CNTNAP5: variants seen among roughly 807,000 people sequenced by gnomAD.
CNTNAP5 encodes contactin-associated protein-like 5.
Under a neutral mutation model 150.2 loss-of-function variants are expected in CNTNAP5, and 72 were observed. That is an observed-to-expected ratio of 0.48 (90% confidence interval 0.40 to 0.58). CNTNAP5 has a LOEUF of 0.58. Ranked by LOEUF, CNTNAP5 falls within the 20% of genes least tolerant of loss-of-function variation. CNTNAP5 has a pLI of 0.00. For missense variants in CNTNAP5, 1,636 were observed against 1,626.2 expected, an observed-to-expected ratio of 1.01 and a Z score of -0.10; for synonymous variants, 672 against 619.8, an observed-to-expected ratio of 1.08 and a Z score of -1.25.
rs1471818991 is a variant in CNTNAP5, at chr2:124,914,092, G to A, written c.3728G>A (p.Gly1243Glu). 1 of 1,608,800 alleles carries A rather than the reference G, an allele frequency of 6.2e-7. No homozygotes were observed. The highest frequency in any genetic ancestry group is 1.7e-5 in the Admixed American group (1 of 59,814). The change falls in exon 24 of 24, where the codon GGG becomes GAG. Residue 1243 changes from glycine to glutamate, a missense_variant and splice_region_variant. Coordinates refer to ENST00000682447, the MANE Select transcript of CNTNAP5 (RefSeq NM_001367498.1). ...AVRSDSAVIG[G>E]VIAVVIFIIF... ...CTCTTTCCTTCCCCTTTCTCTCCAG[G>A]GGTGATAGCAGTGGTGATATTCATC...
At chr2:124,357,232 A>G (rs1342585423) in intron 3 of CNTNAP5, among the ~76,000 whole-genome samples, 1 of 152,176 alleles carries the variant, frequency 6.6e-6, no homozygotes, top group Non-Finnish European at 1.5e-5. Flanking sequence ...GTAGGTTACG[A>G]AAATTTTCTC....
At chr2:124,270,701 A>ATGTG (rs149484374) in intron 3 of CNTNAP5, among the ~76,000 whole-genome samples, 2,153 of 151,718 alleles carry the variant, frequency 0.014, 44 homozygotes, top group African/African-American at 0.042. Context: ...GCTTGCGTGC[A>ATGTG]TGTGTGTGTG....
At chr2:124,091,532 G>T (rs970721399) in intron 1 of CNTNAP5, among the ~76,000 whole-genome samples, 1 of 152,122 alleles carries the variant, frequency 6.6e-6, no homozygotes, top group Admixed American at 6.6e-5. Context: ...ATATGGGGTT[G>T]CCAGGCAAAT....
In CNTNAP5 at chr2:124,504,405, G is replaced by A. The variant is rs542072119; in HGVS notation, c.1176G>A (p.Val392=). Residue 392 remains valine, a synonymous_variant, in exon 8 of 24, where the codon GTG becomes GTA. Coordinates refer to ENST00000682447, the MANE Select transcript of CNTNAP5 (RefSeq NM_001367498.1). ...CCCCCCAAATTGATGGGCTCTCAGT[G>A]AGTTTCCAGTTTCGAACATGGAACA... is the stretch of plus-strand genomic sequence containing the variant. ...PGTPQIDGLS[V]SFQFRTWNKD... The A allele has an allele frequency of 1.4e-5, 22 of 1,613,936 alleles. No homozygotes were observed. In the South Asian group the frequency reaches 2.3e-4, roughly 17 times the overall value.
At chr2:124,136,563 T>C (rs1330186016) in intron 1 of CNTNAP5, among the ~76,000 whole-genome samples, 1 of 152,204 alleles carries the variant, frequency 6.6e-6, no homozygotes, top group African/African-American at 2.4e-5. Context: ...GAGCATCTCA[T>C]GTAATTTACA....
At chr2:124,812,971 G>A (rs563547441) in intron 19 of CNTNAP5, among the ~76,000 whole-genome samples, 2 of 152,174 alleles carry the variant, frequency 1.3e-5, no homozygotes, top group Non-Finnish European at 2.9e-5. Flanking sequence ...GAGCATTGGA[G>A]CTTTCTTGGC....
chr2:124,713,293 CTTTCTTT>C (rs1558746795), intron 13 of CNTNAP5, among the ~76,000 whole-genome samples: 18 of 99,100 alleles, frequency 1.8e-4, no homozygotes, highest in African/African-American at 4.7e-4. Flanking sequence ...TTCTTTCTTT[CTTTCTTT>C]CTTCTTTCTC....
intron 13 of CNTNAP5, among the ~76,000 whole-genome samples, chr2:124,705,029 C>CT (rs34126373): frequency 6.6e-6 from 1 of 151,994 alleles, no homozygotes; most frequent in Middle Eastern, 3.4e-3. Context: ...CCTATTTTTG[C>CT]TTTTTTTCTT....
At position 124,918,622 on chromosome 2, in the gene CNTNAP5, CTAGCTTCCTT is replaced by C. The variant is rs1251497985; in HGVS notation, c.*4337_*4346del. Among the ~76,000 whole-genome samples the C allele has an allele frequency of 2.6e-5, 4 of 152,072 alleles. No individual in the cohort carries two copies. The highest frequency in any genetic ancestry group is 4.8e-5 in the African/African-American group (2 of 41,446). On this transcript the variant is annotated 3_prime_UTR_variant, in exon 24 of 24. Transcript: ENST00000682447. ...CTTGACAGACTGTTCACCAACTGCCCTAGCTTCCTTTAAGCTTCCCCATAGCTACCATCCA... is the reference window on the plus strand; with the variant it reads ...CTTGACAGACTGTTCACCAACTGCCCTAAGCTTCCCCATAGCTACCATCCA...
At chr2:124,534,930 C>A (rs1424288278) in intron 10 of CNTNAP5, among the ~76,000 whole-genome samples, 1 of 152,112 alleles carries the variant, frequency 6.6e-6, no homozygotes, top group Non-Finnish European at 1.5e-5. Context: ...TATGTCTCAG[C>A]CTTATTTTAC....
intron 13 of CNTNAP5, among the ~76,000 whole-genome samples, chr2:124,744,085 G>A (rs956725639): frequency 6.6e-6 from 1 of 152,060 alleles, no homozygotes; most frequent in Non-Finnish European, 1.5e-5. Context: ...ATATATGATA[G>A]GGTTTGGCTG....
At chr2:124,727,030 G>T (rs552821285) in intron 13 of CNTNAP5, among the ~76,000 whole-genome samples, 4 of 151,874 alleles carry the variant, frequency 2.6e-5, no homozygotes, top group Non-Finnish European at 4.4e-5. Flanking sequence ...TGAGATAAGG[G>T]TCCAGTTTTA....
chr2:124,331,592 A>T (rs986616138), intron 3 of CNTNAP5, among the ~76,000 whole-genome samples: 8 of 151,600 alleles, frequency 5.3e-5, no homozygotes, highest in Non-Finnish European at 1.2e-4. Flanking sequence ...TTTTTTTTTT[A>T]AATAAAGGTT....
intron 1 of CNTNAP5, among the ~76,000 whole-genome samples, chr2:124,215,939 G>A (rs1226358981): frequency 6.6e-6 from 1 of 152,104 alleles, no homozygotes; most frequent in East Asian, 1.9e-4. Flanking sequence ...CAAACAGTAA[G>A]GAAACCTGAA....
intron 12 of CNTNAP5, among the ~76,000 whole-genome samples, chr2:124,629,808 A>G (rs1677807883): frequency 1.3e-5 from 2 of 150,068 alleles, no homozygotes; most frequent in African/African-American, 2.4e-5. Flanking sequence ...AATAAAATAG[A>G]TAGACTGCTA....
chr2:124,290,839 G>A (rs921376312), intron 3 of CNTNAP5, among the ~76,000 whole-genome samples: 1 of 152,044 alleles, frequency 6.6e-6, no homozygotes, highest in African/African-American at 2.4e-5. Context: ...AGGCATTGCA[G>A]AGGCCCTGAG....
intron 3 of CNTNAP5, among the ~76,000 whole-genome samples, chr2:124,245,060 AT>A (rs1686983903): frequency 6.6e-6 from 1 of 152,168 alleles, no homozygotes; most frequent in South Asian, 2.1e-4. Context: ...TTTTCACAGA[AT>A]TGATTTACTT....
chr2:124,342,458 C>T (rs1053235663), intron 3 of CNTNAP5, among the ~76,000 whole-genome samples: 2 of 152,140 alleles, frequency 1.3e-5, no homozygotes, highest in Non-Finnish European at 2.9e-5. Context: ...AGTACTAGAC[C>T]AGTTTCCAGG....
At chr2:124,466,668 T>C (rs1039370533) in intron 6 of CNTNAP5, among the ~76,000 whole-genome samples, 2 of 152,222 alleles carry the variant, frequency 1.3e-5, no homozygotes, top group Admixed American at 1.3e-4. Flanking sequence ...TGAAAATTAC[T>C]GGTCAGATGA....
Sources: gnomAD v4.1 joint callset for allele counts (sites outside exome capture counted in the v4.1 genomes callset) on GRCh38, gnomAD v4.1.1 for gene constraint, MANE v1.5 for transcripts, NCBI Gene and HGNC (gene_info 2026-07-23, HGNC 2026-07-21) for gene names.